Variants in ZNF469 observed in about 807,000 individuals in gnomAD.
ZNF469 encodes zinc finger protein 469.
A neutral mutation model predicts 1.0 loss-of-function variants in ZNF469; 1 was observed. The ratio of observed to expected loss-of-function variants is 1.00; its 90% CI spans 0.35 to 4.73. The LOEUF is 4.73. Among genes scored for constraint, ZNF469 ranks in the 30% most tolerant of loss-of-function variants. The pLI is 0.16. For missense variants in ZNF469, 6,100 were observed against 5,356.3 expected, an observed-to-expected ratio of 1.14 and a Z score of -4.33; for synonymous variants, 2,703 against 2,363.4, an observed-to-expected ratio of 1.14 and a Z score of -4.17.
chr16:88,377,563 C>T, the ZNF469 span, among the ~76,000 whole-genome samples: 5 of 152,204 alleles, frequency 3.3e-5, no homozygotes, highest in African/African-American at 4.8e-5. Flanking sequence ...CGCCACCATC[C>T]GTCTGGAATG....
the ZNF469 span, among the ~76,000 whole-genome samples, chr16:88,274,259 G>C: frequency 6.6e-6 from 1 of 152,204 alleles, no homozygotes; most frequent in Non-Finnish European, 1.5e-5. Context: ...GATTCACAGG[G>C]CTGGGAAGTT....
chr16:88,113,109 C>A, the ZNF469 span, among the ~76,000 whole-genome samples: 2 of 152,128 alleles, frequency 1.3e-5, no homozygotes, highest in East Asian at 1.9e-4. Context: ...CTCGAGGTGG[C>A]CCCATTTGCC....
At chr16:88,155,717 C>A in the ZNF469 span, among the ~76,000 whole-genome samples, 1 of 152,192 alleles carries the variant, frequency 6.6e-6, no homozygotes, top group African/African-American at 2.4e-5. Context: ...GAATTTAGGT[C>A]GTTTTCACTT....
At chr16:88,382,086 A>G (rs188786368), upstream of ZNF469, among the ~76,000 whole-genome samples, 32 of 152,296 alleles carry the variant, frequency 2.1e-4, 1 homozygote, top group Admixed American at 2.0e-4. Flanking sequence ...TTAGAAGTCC[A>G]CCAAGTTCAT....
Position 88,435,292 on chromosome 16 carries a change from G to C in ZNF469, c.7822G>C (p.Glu2608Gln). The change falls in exon 3 of 3, where the codon GAA becomes CAA. Residue 2608 changes from glutamate to glutamine, a missense_variant. By Grantham distance (29) the Glu-to-Gln change is conservative (BLOSUM62 2). Coordinates refer to ENST00000565624, the MANE Select transcript of ZNF469 (RefSeq NM_001367624.2). ...REDELHPKQA[E>Q]KREGRRWRRE... is the part of the protein sequence containing the mutation. ...AGATGAGCTGCATCCCAAACAGGCA[G>C]AAAAAAGAGAAGGCCGGAGGTGGCG... 6.5e-7 allele frequency: 1 copy of C among 1,550,340 alleles called. No individual in the cohort carries two copies.
the ZNF469 span, among the ~76,000 whole-genome samples, chr16:88,139,472 T>G: frequency 1.2e-3 from 140 of 121,032 alleles, 4 homozygotes; most frequent in African/African-American, 3.6e-3. Context: ...CCTGGGGATG[T>G]GATGAAGAAA....
In ZNF469 at chr16:88,405,945, C is replaced by T. The variant is rs902086122; in HGVS notation, c.-191-18862C>T. 4.6e-5 allele frequency among the ~76,000 whole-genome samples: 7 copies of T among 152,220 alleles called. No individual in the cohort carries two copies. The South Asian group carries it at 1.0e-3, about 23-fold the overall frequency. On this transcript the variant is annotated intron_variant, in intron 1 of 2. Coordinates refer to ENST00000565624, the MANE Select transcript of ZNF469 (RefSeq NM_001367624.2). Reference sequence around the variant, plus strand: ...AAACACACACACACACACATCAGAGCGTCTTGGCAGCTGGTGAGCGCTAAC... The same window carrying T: ...AAACACACACACACACACATCAGAGTGTCTTGGCAGCTGGTGAGCGCTAAC...
chr16:88,274,457 C>T, the ZNF469 span, among the ~76,000 whole-genome samples: 1 of 152,232 alleles, frequency 6.6e-6, no homozygotes, highest in South Asian at 2.1e-4. Flanking sequence ...GTCTCATAGA[C>T]ATGGTGTTGC....
At chr16:88,204,513 G>A in the ZNF469 span, among the ~76,000 whole-genome samples, 82 of 152,332 alleles carry the variant, frequency 5.4e-4, no homozygotes, top group African/African-American at 1.9e-3. Flanking sequence ...GTGGAAAACC[G>A]TGCAGAGGGA....
rs760027621 is a variant in ZNF469 at position 88,432,814 on chromosome 16, A to G, written c.5344A>G (p.Thr1782Ala). ...AGGAGGGTTCCTCCCAGAGCCCGGC[A>G]CAGCAGACCAGCCCCACCGAGGGGC... ...QRGGFLPEPG[T>A]ADQPHRGAPA... The change falls in exon 3 of 3, where the codon ACA becomes GCA. Residue 1782 changes from threonine to alanine, a missense_variant. Transcript: ENST00000565624. 1.9e-6 allele frequency: 3 copies of G among 1,550,234 alleles called. No individual in the cohort carries two copies. The highest frequency in any genetic ancestry group is 8.7e-7 in the Non-Finnish European group (1 of 1,146,994).
chr16:88,251,536 GTCTTTTTTTTTTTTTTTT>G, the ZNF469 span, among the ~76,000 whole-genome samples: 10,022 of 78,642 alleles, frequency 0.13, 995 homozygotes, highest in East Asian at 0.42. Context: ...TGTCCCTGCT[GTCTTTTTTTTTTTTTTTT>G]TTTTTTTTTT....
At chr16:88,341,263 G>C in the ZNF469 span, among the ~76,000 whole-genome samples, 1 of 152,196 alleles carries the variant, frequency 6.6e-6, no homozygotes, top group Admixed American at 6.5e-5. Flanking sequence ...TGAATGCTGG[G>C]GGCCTGTACA....
Position 88,387,079 on chromosome 16 carries a change from C to T in ZNF469, c.-192+3825C>T, listed in dbSNP as rs1167898629. On this transcript the variant is annotated intron_variant, in intron 1 of 2. Coordinates refer to ENST00000565624, the MANE Select transcript of ZNF469 (RefSeq NM_001367624.2). ...CCCAGTCTATACTCTGCTTGTCGGG[C>T]CTCCCCAACCTCCAAGACTGTGTCC... 7.9e-5 allele frequency among the ~76,000 whole-genome samples: 12 copies of T among 152,200 alleles called. No individual in the cohort carries two copies. The South Asian group carries it at 2.3e-3, about 29-fold the overall frequency.
At chr16:88,227,108 ACCCGTCCCTCC>A in the ZNF469 span, among the ~76,000 whole-genome samples, 1 of 111,530 alleles carries the variant, frequency 9.0e-6, no homozygotes, top group African/African-American at 3.8e-5. Flanking sequence ...GCGCGTTTCC[ACCCGTCCCTCC>A]TCCACGCCGG....
At chr16:88,405,809 G>A (rs1037665703) in intron 1 of ZNF469, among the ~76,000 whole-genome samples, 11 of 152,136 alleles carry the variant, frequency 7.2e-5, no homozygotes, top group Non-Finnish European at 1.2e-4. Flanking sequence ...CCCGCCCCAC[G>A]GCCCAGGCCA....
At chr16:88,412,152 C>T (rs1351769308) in intron 1 of ZNF469, among the ~76,000 whole-genome samples, 3 of 152,146 alleles carry the variant, frequency 2.0e-5, no homozygotes, top group Admixed American at 6.5e-5. Flanking sequence ...GAGCCCACCA[C>T]GCCCCCTGTC....
chr16:88,333,096 G>A, the ZNF469 span, among the ~76,000 whole-genome samples: 1 of 152,190 alleles, frequency 6.6e-6, no homozygotes, highest in African/African-American at 2.4e-5. Context: ...GAGGCCTGCT[G>A]GGATCATGTG....
intron 1 of ZNF469, among the ~76,000 whole-genome samples, chr16:88,383,825 G>A (rs757136261): frequency 6.6e-6 from 1 of 152,106 alleles, no homozygotes; most frequent in Non-Finnish European, 1.5e-5. Flanking sequence ...CCCTGGGGGA[G>A]ACCACGCCGC....
Position 88,427,759 on chromosome 16 carries a change from C to T in ZNF469, c.289C>T (p.Pro97Ser). 1.3e-6 allele frequency: 2 copies of T among 1,544,834 alleles called. No homozygotes were observed. The highest frequency in any genetic ancestry group is 1.7e-6 in the Non-Finnish European group (2 of 1,146,486). Reference sequence around the variant, plus strand: ...GAAGAGGGGCAGCCCCCAGACCCCACCGGGGAGAAGCCCCTTGCAGGCTCC... The same window carrying T: ...GAAGAGGGGCAGCCCCCAGACCCCATCGGGGAGAAGCCCCTTGCAGGCTCC... ...PGKRGSPQTP[P>S]GRSPLQAPSR... Residue 97 changes from proline (P) to serine (S), a missense_variant, in exon 3 of 3, where the codon CCG (proline) becomes TCG (serine). By Grantham distance (74) the Pro-to-Ser change is moderately conservative. Transcript: ENST00000565624.
Sources: gnomAD v4.1 joint callset for allele counts (sites outside exome capture counted in the v4.1 genomes callset) on GRCh38, gnomAD v4.1.1 for gene constraint, MANE v1.5 for transcripts, NCBI Gene and HGNC (gene_info 2026-07-23, HGNC 2026-07-21) for gene names.